PRKCH: variants seen among roughly 807,000 people sequenced by gnomAD.
PRKCH encodes protein kinase C eta type.
Under a neutral mutation model 82.5 loss-of-function variants are expected in PRKCH, and 28 were observed. The observed-to-expected ratio is 0.34, with a 90% confidence interval of 0.25 to 0.47. The LOEUF is 0.47. Ranked by LOEUF, PRKCH falls within the 20% of genes least tolerant of loss-of-function variation. The pLI is 1.00. For synonymous variants in PRKCH, 322 were observed against 327.4 expected (o/e 0.98, Z 0.18); for missense variants, 705 against 881.8 (o/e 0.80, Z 2.54).
intron 9 of PRKCH, among the ~76,000 whole-genome samples, chr14:61,472,636 C>T (rs750103314): frequency 2.6e-5 from 4 of 152,026 alleles, no homozygotes; most frequent in African/African-American, 9.7e-5. Context: ...GCTGCATTAG[C>T]GAACTGGGAC....
At chr14:61,255,899 A>G (rs2044993642) in intron 1 of PRKCH, among the ~76,000 whole-genome samples, 1 of 152,182 alleles carries the variant, frequency 6.6e-6, no homozygotes, top group Non-Finnish European at 1.5e-5. Flanking sequence ...CTAGTGGTTT[A>G]AGGCAGTCTT....
At chr14:61,271,333 G>C (rs1566801384) in intron 1 of PRKCH, among the ~76,000 whole-genome samples, 1 of 152,248 alleles carries the variant, frequency 6.6e-6, no homozygotes, top group East Asian at 1.9e-4. Context: ...AAATCACCCT[G>C]TCCAAGTCAC....
chr14:61,459,344 G>T (rs961311949), intron 9 of PRKCH, among the ~76,000 whole-genome samples: 2 of 152,238 alleles, frequency 1.3e-5, no homozygotes, highest in African/African-American at 4.8e-5. Context: ...GAGTGAATTA[G>T]AATTAGTTAG....
intron 2 of PRKCH, among the ~76,000 whole-genome samples, chr14:61,408,878 CA>C (rs1448105958): frequency 6.6e-6 from 1 of 152,144 alleles, no homozygotes. Context: ...CAAGTACATA[CA>C]GGTCTGTGTT....
At chr14:61,434,984 C>A (rs1188979814) in intron 2 of PRKCH, among the ~76,000 whole-genome samples, 1 of 152,094 alleles carries the variant, frequency 6.6e-6, no homozygotes, top group Admixed American at 6.5e-5. Flanking sequence ...TATTTCCTTT[C>A]ATCCCACAAC....
chr14:61,336,759 A>C (rs2045862215), intron 1 of PRKCH, among the ~76,000 whole-genome samples: 1 of 152,128 alleles, frequency 6.6e-6, no homozygotes, highest in African/African-American at 2.4e-5. Context: ...CAAGGAGGAA[A>C]ACTCTAGTTT....
intron 1 of PRKCH, among the ~76,000 whole-genome samples, chr14:61,381,565 T>A (rs928092624): frequency 2.0e-5 from 3 of 152,236 alleles, no homozygotes; most frequent in Non-Finnish European, 2.9e-5. Flanking sequence ...GTCTGCAGCA[T>A]GTGATGCTGA....
At chr14:61,444,863 A>G (rs1047655477) in intron 3 of PRKCH, among the ~76,000 whole-genome samples, 3 of 152,184 alleles carry the variant, frequency 2.0e-5, no homozygotes, top group Non-Finnish European at 4.4e-5. Context: ...ACAACTTTTA[A>G]TCTTCATTAG....
At chr14:61,521,785 A>G (rs1341189413) in intron 10 of PRKCH, among the ~76,000 whole-genome samples, 1 of 152,090 alleles carries the variant, frequency 6.6e-6, no homozygotes, top group African/African-American at 2.4e-5. Flanking sequence ...GAGGCAAAAG[A>G]TTTGGGCCCC....
intron 1 of PRKCH, among the ~76,000 whole-genome samples, chr14:61,257,647 A>ACG (rs1232285323): frequency 0.025 from 3,804 of 150,910 alleles, 65 homozygotes; most frequent in Middle Eastern, 0.045. Context: ...ACACACACAC[A>ACG]CACGCATACA....
intron 1 of PRKCH, among the ~76,000 whole-genome samples, chr14:61,195,502 C>T (rs1375461036): frequency 6.6e-6 from 1 of 152,148 alleles, no homozygotes; most frequent in African/African-American, 2.4e-5. Context: ...GCATGTTCTT[C>T]ATAAAATCAA....
At chr14:61,339,622 CT>C (rs757220300) in intron 1 of PRKCH, among the ~76,000 whole-genome samples, 2,263 of 60,044 alleles carry the variant, frequency 0.038, 48 homozygotes, top group African/African-American at 0.12. Context: ...CAAGCCCGGC[CT>C]TTTTTTTTTT....
intron 1 of PRKCH, among the ~76,000 whole-genome samples, chr14:61,285,657 CA>C (rs1370631372): frequency 6.6e-6 from 1 of 152,160 alleles, no homozygotes; most frequent in African/African-American, 2.4e-5. Flanking sequence ...AATTTGTACA[CA>C]AATGGGGGGC....
chr14:61,423,256 A>G (rs74376686), intron 2 of PRKCH, among the ~76,000 whole-genome samples: 3,407 of 152,326 alleles, frequency 0.022, 138 homozygotes, highest in African/African-American at 0.078. Context: ...TGGCACATCA[A>G]TAATCTGCAG....
At chr14:61,258,738 C>T (rs1002651818) in intron 1 of PRKCH, among the ~76,000 whole-genome samples, 8 of 152,174 alleles carry the variant, frequency 5.3e-5, no homozygotes, top group South Asian at 2.1e-4. Context: ...CCCTCCAGGA[C>T]TTTATATTTG....
intron 1 of PRKCH, among the ~76,000 whole-genome samples, chr14:61,258,559 T>C: frequency 6.6e-6 from 1 of 152,224 alleles, no homozygotes. Flanking sequence ...TCAGCTCCTA[T>C]GTTTCAAAAC....
chr14:61,210,354 C>T (rs1360795315), intron 1 of PRKCH, among the ~76,000 whole-genome samples: 3 of 151,798 alleles, frequency 2.0e-5, no homozygotes, highest in South Asian at 2.1e-4. Flanking sequence ...GACACCAGGA[C>T]GTACAGCTTG....
intron 1 of PRKCH, among the ~76,000 whole-genome samples, chr14:61,336,300 G>T (rs1482835886): frequency 8.5e-5 from 13 of 152,316 alleles, no homozygotes; most frequent in African/African-American, 3.1e-4. Context: ...ATGTAAATCA[G>T]TAGGAGATTT....
Position 61,457,273 on chromosome 14 carries a change from A to G in PRKCH, c.1058A>G (p.Asp353Gly). 6.2e-7 allele frequency: 1 copy of G among 1,614,196 alleles called. No homozygotes were observed. Among genetic ancestry groups the G allele is most frequent in the Non-Finnish European group, 8.5e-7 (1 of 1,180,024 alleles). ...AATTCTTCCAACCGACTTGGTATCG[A>G]CAACTTTGAGTTCATCCGAGTGTTG... The part of the protein sequence containing the change: ...GVNSSNRLGI[D>G]NFEFIRVLGK... The change falls in exon 8 of 14, where the codon GAC (aspartate) becomes GGC (glycine). Residue 353 changes from aspartate to glycine, a missense_variant. By Grantham distance (94) the Asp-to-Gly change is moderately conservative. Transcript: ENST00000332981.
Sources: allele counts gnomAD v4.1 joint callset (sites outside exome capture counted in the v4.1 genomes callset), GRCh38; gene constraint gnomAD v4.1.1; transcripts MANE v1.5; gene names NCBI Gene and HGNC (gene_info 2026-07-23, HGNC 2026-07-21).